Variants in DPP8 observed in about 807,000 individuals in gnomAD.
The protein encoded by DPP8 is dipeptidyl peptidase 8.
In DPP8, 31 loss-of-function variants were observed where a neutral mutation model predicts 107.5. The observed-to-expected ratio is 0.29, with a 90% confidence interval of 0.22 to 0.39. The LOEUF is 0.39. Among genes scored for constraint, DPP8 ranks in the 10% least tolerant of loss-of-function variants. The pLI, the probability that DPP8 is intolerant of heterozygous loss-of-function variation, is 1.00. For missense variants in DPP8, 842 were observed against 1,076.1 expected, an observed-to-expected ratio of 0.78 and a Z score of 3.04; for synonymous variants, 381 against 356.6, an observed-to-expected ratio of 1.07 and a Z score of -0.77.
At chr15:65,466,612 A>T in intron 14 of DPP8, 66 bp downstream of exon 14, 1 of 1,390,920 alleles carries the variant, frequency 7.2e-7, no homozygotes, top group Non-Finnish European at 1.0e-6. Context: ...TGAAAATATG[A>T]CACACGTTTA....
intron 1 of DPP8, among the ~76,000 whole-genome samples, chr15:65,513,208 G>A (rs1475176916): frequency 4.8e-5 from 7 of 147,026 alleles, no homozygotes; most frequent in Non-Finnish European, 1.0e-4. Flanking sequence ...ATCATTTGTG[G>A]TGACTCTACA....
intron 5 of DPP8, among the ~76,000 whole-genome samples, chr15:65,496,502 C>T (rs571198713): frequency 4.6e-5 from 7 of 152,256 alleles, no homozygotes; most frequent in Non-Finnish European, 1.0e-4. Flanking sequence ...TAGAGGAAAC[C>T]ATTCACATCT....
At chr15:65,480,473 T>C in intron 9 of DPP8, 74 bp from the exon 10 acceptor site, 5 of 1,052,584 alleles carry the variant, frequency 4.8e-6, no homozygotes, top group Non-Finnish European at 6.8e-6. Flanking sequence ...ATTATCTCCT[T>C]TGGCACCTAT....
At chr15:65,511,246 A>G (rs1445299487) in intron 2 of DPP8, among the ~76,000 whole-genome samples, 3 of 152,140 alleles carry the variant, frequency 2.0e-5, no homozygotes, top group Non-Finnish European at 2.9e-5. Flanking sequence ...ATATGGCACA[A>G]TTATATAATG....
chr15:65,501,761 T>C (rs1198247673), intron 3 of DPP8, among the ~76,000 whole-genome samples: 1 of 152,208 alleles, frequency 6.6e-6, no homozygotes, highest in Non-Finnish European at 1.5e-5. Context: ...TCTTTGTCTG[T>C]TCTACCCCTC....
At chr15:65,491,524 T>C (rs1305814511) in intron 5 of DPP8, among the ~76,000 whole-genome samples, 8 of 152,142 alleles carry the variant, frequency 5.3e-5, no homozygotes, top group African/African-American at 1.9e-4. Flanking sequence ...TCACCAGAGG[T>C]CAGGTTTGCA....
chr15:65,467,741 C>A (rs1192830108), intron 12 of DPP8, among the ~76,000 whole-genome samples: 1 of 152,180 alleles, frequency 6.6e-6, no homozygotes, highest in Non-Finnish European at 1.5e-5. Context: ...GAGTTACACA[C>A]TGTATAGTTT....
rs752452586 is a variant in DPP8 at position 65,478,906 on chromosome 15, C to T, written c.1430G>A (p.Arg477Gln). The change falls in exon 11 of 20, where the codon CGA (arginine) becomes CAA (glutamine). Residue 477 changes from arginine to glutamine, a missense_variant. Around this residue, in one of 2 missense-constraint regions of DPP8, gnomAD observed 663 missense variants for 758.0 expected, o/e 0.87. Coordinates refer to ENST00000300141, the MANE Select transcript of DPP8 (RefSeq NM_130434.5). Reference sequence around the variant, plus strand: ...TGGAGCAGGCAGCCCACCACTGGATCGTTTATATTTGCTTTCCTTTAAAAT... The same window carrying T: ...TGGAGCAGGCAGCCCACCACTGGATTGTTTATATTTGCTTTCCTTTAAAAT... ...TSILKESKYK[R>Q]SSGGLPAPSD... 1 of 1,578,018 alleles carries T rather than the reference C, an allele frequency of 6.3e-7. No homozygotes were observed. The highest frequency in any genetic ancestry group is 8.6e-7 in the Non-Finnish European group (1 of 1,167,580).
In DPP8 at chr15:65,498,019, C is replaced by T. The variant is rs767935068; in HGVS notation, c.560G>A (p.Arg187Lys). Residue 187 changes from arginine (R) to lysine (K), a missense_variant, in exon 5 of 20, where the codon AGG (arginine) becomes AAG (lysine). Transcript: ENST00000300141. ...ACAACTAGTTTCCACTAGATTGGGCCTTAAAGGTTGTTGCTAGAAAAGTAA... is the reference window on the plus strand; with the variant it reads ...ACAACTAGTTTCCACTAGATTGGGCTTTAAAGGTTGTTGCTAGAAAAGTAA... ...GPQGFTQQPL[R>K]PNLVETSCPN... 16 of 1,595,300 alleles carry T rather than the reference C, an allele frequency of 1.0e-5. No homozygotes were observed. Among genetic ancestry groups the T allele is most frequent in the East Asian group, 9.0e-5 (4 of 44,506 alleles).
intron 14 of DPP8, among the ~76,000 whole-genome samples, chr15:65,466,325 GA>G: frequency 6.9e-6 from 1 of 144,990 alleles, no homozygotes; most frequent in African/African-American, 2.6e-5. Context: ...TTTTAGTGGA[GA>G]CGGGGTTTTA....
At chr15:65,485,320 G>A (rs2067300965) in intron 7 of DPP8, among the ~76,000 whole-genome samples, 160 bp from the exon 8 acceptor site, 1 of 151,776 alleles carries the variant, frequency 6.6e-6, no homozygotes, top group Admixed American at 6.6e-5. Flanking sequence ...GAGGCAGGTG[G>A]ATCACCTGAG....
chr15:65,459,945 ACTC>A (rs544330809), intron 15 of DPP8, among the ~76,000 whole-genome samples: 1 of 151,488 alleles, frequency 6.6e-6, no homozygotes, highest in South Asian at 2.1e-4. Context: ...ACACAGCGAG[ACTC>A]CATCTCAAAA....
rs1016559353 is a variant in DPP8 at position 65,446,757 on chromosome 15, T to C, written c.*127A>G. On this transcript the variant is annotated 3_prime_UTR_variant, in exon 20 of 20. Transcript: ENST00000300141. ...AGACCCCTGCATGGCACCACATTTATTTTCAGGAGTAGATGTTACATGGCA... is the reference window on the plus strand; with the variant it reads ...AGACCCCTGCATGGCACCACATTTACTTTCAGGAGTAGATGTTACATGGCA... 9.4e-6 allele frequency: 9 copies of C among 962,256 alleles called. No individual in the cohort carries two copies. Among genetic ancestry groups the C allele is most frequent in the Admixed American group, 2.8e-5 (1 of 36,248 alleles). The allele number at this position is 962,256 out of a possible 1,614,324, so 59.6% of individuals were successfully genotyped here. A position where few individuals can be genotyped will look rare whatever the true frequency, so the allele number is the denominator to read the frequency against.
At chr15:65,452,865 G>C (rs565261094) in intron 17 of DPP8, among the ~76,000 whole-genome samples, 3 of 152,110 alleles carry the variant, frequency 2.0e-5, no homozygotes, top group Non-Finnish European at 2.9e-5. Context: ...CCAGTTACTT[G>C]GGAGGCTGAA....
At chr15:65,465,160 G>GTTT (rs1401387102) in intron 14 of DPP8, among the ~76,000 whole-genome samples, 3 of 139,832 alleles carry the variant, frequency 2.1e-5, no homozygotes, top group Admixed American at 1.4e-4. Context: ...GTACTAATTT[G>GTTT]TTTTTTCTTT....
intron 7 of DPP8, among the ~76,000 whole-genome samples, chr15:65,486,810 A>G (rs542838704): frequency 1.3e-5 from 2 of 152,262 alleles, no homozygotes; most frequent in East Asian, 1.9e-4. Context: ...GAATGATATA[A>G]TGGACTTTGG....
intron 1 of DPP8, chr15:65,512,824 C>T (rs2070967947): frequency 4.5e-6 from 2 of 440,206 alleles, no homozygotes; most frequent in Admixed American, 4.0e-5. Context: ...TTATAAAAGG[C>T]TCTCCTTAGG....
chr15:65,475,601 A>G (rs1019083315), intron 11 of DPP8: 6 of 1,053,150 alleles, frequency 5.7e-6, no homozygotes, highest in South Asian at 2.5e-5. Context: ...TGAGGTAGCC[A>G]TATCAGCTAT....
At position 65,445,679 on chromosome 15, in the gene DPP8, T is replaced by C. The variant is rs28575576; in HGVS notation, c.*1205A>G. ...TAATTTTAAAAGGATAAAGTTTAAA[T>C]TTGTAAGATTTCTAAACCTAAGAGG... On this transcript the variant is annotated 3_prime_UTR_variant, in exon 20 of 20. Coordinates refer to ENST00000300141, the MANE Select transcript of DPP8 (RefSeq NM_130434.5). The C allele has an allele frequency of 0.2, 31,010 of 153,136 alleles. 4,166 individuals carry two copies. The highest frequency in any genetic ancestry group is 0.73 in the East Asian group (3,749 of 5,158). 9.5% of individuals were successfully genotyped at this position (153,136 alleles called of 1,614,324 possible).
Sources: gnomAD v4.1 joint callset for allele counts (sites outside exome capture counted in the v4.1 genomes callset) on GRCh38, gnomAD v4.1.1 for gene constraint, gnomAD v4.1.1 regional missense constraint, MANE v1.5 for transcripts, NCBI Gene and HGNC (gene_info 2026-07-23, HGNC 2026-07-21) for gene names.